Variants in SLC1A7 observed in about 807,000 individuals in gnomAD.
SLC1A7 encodes solute carrier family 1 member 7.
In SLC1A7, 40 loss-of-function variants were observed where a neutral mutation model predicts 47.7. The ratio of observed to expected loss-of-function variants is 0.84; its 90% confidence interval spans 0.65 to 1.09. The LOEUF (loss-of-function observed/expected upper bound fraction) is 1.09. Among genes scored for constraint, SLC1A7 ranks in the 50% least tolerant of loss-of-function variants. SLC1A7 has a pLI of 0.00. For synonymous variants in SLC1A7, 323 were observed against 325.6 expected (o/e 0.99, Z 0.09); for missense variants, 746 against 769.5 (o/e 0.97, Z 0.36).
At chr1:53,122,997 G>T (rs1013542536) in intron 2 of SLC1A7, among the ~76,000 whole-genome samples, 7 of 152,112 alleles carry the variant, frequency 4.6e-5, no homozygotes, top group Non-Finnish European at 7.4e-5. Context: ...CCCTCTGAAG[G>T]TCCCTCCTTC....
At chr1:53,114,305 A>G (rs1644731428) in intron 3 of SLC1A7, among the ~76,000 whole-genome samples, 1 of 152,170 alleles carries the variant, frequency 6.6e-6, no homozygotes, top group African/African-American at 2.4e-5. Context: ...GGGTGGCACC[A>G]CAGGGCAAAG....
At chr1:53,101,658 C>T (rs1644583228) in intron 5 of SLC1A7, among the ~76,000 whole-genome samples, 1 of 151,788 alleles carries the variant, frequency 6.6e-6, no homozygotes, top group South Asian at 2.1e-4. Flanking sequence ...TACACTCACA[C>T]TCCTCATCTT....
chr1:53,101,593 C>T (rs1006103110), intron 5 of SLC1A7, among the ~76,000 whole-genome samples: 32 of 150,938 alleles, frequency 2.1e-4, no homozygotes, highest in African/African-American at 7.8e-4. Context: ...CTCACACAAC[C>T]CGCCTCAGTA....
At chr1:53,097,816 C>T (rs1644515938) in intron 5 of SLC1A7, among the ~76,000 whole-genome samples, 3 of 151,620 alleles carry the variant, frequency 2.0e-5, no homozygotes. Context: ...CTCACACACT[C>T]CGCCTCAGTA....
At chr1:53,114,559 C>T in intron 3 of SLC1A7, 199 bp downstream of exon 3, 1 of 595,726 alleles carries the variant, frequency 1.7e-6, no homozygotes, top group South Asian at 2.0e-5. Flanking sequence ...AGACCCCGTC[C>T]AGGCTGCAAG....
chr1:53,140,276 G>A (rs560386829), intron 1 of SLC1A7, among the ~76,000 whole-genome samples: 4 of 152,346 alleles, frequency 2.6e-5, no homozygotes, highest in African/African-American at 9.6e-5. Context: ...CCCCAGATGA[G>A]TTTGGCTTTT....
intron 5 of SLC1A7, among the ~76,000 whole-genome samples, chr1:53,102,020 G>A (rs1294236815): frequency 1.3e-5 from 2 of 152,258 alleles, no homozygotes; most frequent in Non-Finnish European, 2.9e-5. Flanking sequence ...CGCTCAGCGA[G>A]TTGAGTCCAA....
chr1:53,119,570 T>C (rs1644797970), intron 2 of SLC1A7, among the ~76,000 whole-genome samples: 1 of 152,176 alleles, frequency 6.6e-6, no homozygotes, highest in South Asian at 2.1e-4. Context: ...CAATCTGGTC[T>C]GGAACTCCTG....
chr1:53,110,720 T>G (rs1169014187), intron 3 of SLC1A7, among the ~76,000 whole-genome samples: 12 of 152,104 alleles, frequency 7.9e-5, no homozygotes. Flanking sequence ...CAAATGAGGT[T>G]TCTTGAAGTT....
In SLC1A7 at chr1:53,120,510, G is replaced by A. The variant is rs144807510; in HGVS notation, c.216-5537C>T. ...CTGGGGCTGGGCCGCTCTCCTCCTC[G>A]TCCACTCTGCTCCTGGAAGTACCTT... On this transcript the variant is annotated intron_variant, in intron 2 of 10. Coordinates refer to ENST00000371494, the MANE Select transcript of SLC1A7 (RefSeq NM_006671.6). Among the ~76,000 whole-genome samples, 6 of 152,018 alleles carry A rather than the reference G, an allele frequency of 3.9e-5. No homozygotes were observed. In the South Asian group the frequency reaches 6.2e-4, roughly 16 times the overall value.
intron 1 of SLC1A7, among the ~76,000 whole-genome samples, chr1:53,137,381 G>T (rs1645013101): frequency 6.6e-6 from 1 of 151,612 alleles, no homozygotes; most frequent in Non-Finnish European, 1.5e-5. Flanking sequence ...AACATGCTCA[G>T]TTCTTCTAGC....
chr1:53,141,735 C>G (rs1285847808), intron 1 of SLC1A7, among the ~76,000 whole-genome samples: 1 of 151,852 alleles, frequency 6.6e-6, no homozygotes, highest in African/African-American at 2.4e-5. Flanking sequence ...CCCTTCTCGG[C>G]CCCCTGCCTG....
At chr1:53,095,498 G>A (rs538365524) in intron 5 of SLC1A7, among the ~76,000 whole-genome samples, 485 of 147,156 alleles carry the variant, frequency 3.3e-3, no homozygotes, top group Non-Finnish European at 5.3e-3. Flanking sequence ...ACACCGCCTC[G>A]GTACACTCAC....
Position 53,106,040 on chromosome 1 carries a change from T to C in SLC1A7, c.432-266A>G, listed in dbSNP as rs7530351. Among the ~76,000 whole-genome samples the C allele has an allele frequency of 4.8e-3, 730 of 152,138 alleles. 5 individuals carry two copies. Among genetic ancestry groups the C allele is most frequent in the African/African-American group, 0.017 (703 of 41,496 alleles). ...ATGCCCTGCCTGCCTCTTGGTCTGG[T>C]GAACTACTCAAATCTACCACAGATC... On this transcript the variant is annotated intron_variant, in intron 3 of 10. Coordinates refer to ENST00000371494, the MANE Select transcript of SLC1A7 (RefSeq NM_006671.6).
At chr1:53,095,222 AG>A (rs1438682808) in intron 5 of SLC1A7, among the ~76,000 whole-genome samples, 1 of 151,434 alleles carries the variant, frequency 6.6e-6, no homozygotes, top group African/African-American at 2.4e-5. Context: ...ACATAGACAC[AG>A]GCACAGGTAA....
At chr1:53,107,685 T>C (rs1283315091) in intron 3 of SLC1A7, among the ~76,000 whole-genome samples, 1 of 152,226 alleles carries the variant, frequency 6.6e-6, no homozygotes, top group Non-Finnish European at 1.5e-5. Flanking sequence ...CTTTTACAAA[T>C]CTTGGCCTGG....
At chr1:53,141,142 A>G (rs574430917) in intron 1 of SLC1A7, among the ~76,000 whole-genome samples, 3 of 152,222 alleles carry the variant, frequency 2.0e-5, no homozygotes, top group Non-Finnish European at 2.9e-5. Context: ...TTCAGCCTGC[A>G]TAGTCCAGCT....
At chr1:53,120,709 G>A (rs1452032891) in intron 2 of SLC1A7, among the ~76,000 whole-genome samples, 1 of 152,192 alleles carries the variant, frequency 6.6e-6, no homozygotes, top group Non-Finnish European at 1.5e-5. Context: ...AGTTTGTTAC[G>A]GAGCACCCTG....
At chr1:53,120,575 C>A (rs1644808381) in intron 2 of SLC1A7, among the ~76,000 whole-genome samples, 1 of 152,216 alleles carries the variant, frequency 6.6e-6, no homozygotes, top group African/African-American at 2.4e-5. Flanking sequence ...CTCCATCCAC[C>A]ATCCCTTCCC....
Sources: gnomAD v4.1 joint callset for allele counts (sites outside exome capture counted in the v4.1 genomes callset) on GRCh38, gnomAD v4.1.1 for gene constraint, MANE v1.5 for transcripts, NCBI Gene and HGNC (gene_info 2026-07-23, HGNC 2026-07-21) for gene names.